The following ZFHX3 variants were observed in gnomAD, a reference collection of about 807,000 sequenced individuals.
The protein encoded by ZFHX3 is zinc finger homeobox 3.
Under a neutral mutation model 279.1 loss-of-function variants are expected in ZFHX3, and 42 were observed. The observed-to-expected ratio is 0.15, with a 90% CI of 0.12 to 0.19. The LOEUF is 0.19. ZFHX3 is among the 10% of genes least tolerant of loss of function. The probability of loss-of-function intolerance (pLI) is 1.00; values close to 1 mark genes in which losing one functional copy is unlikely to be tolerated. For missense variants in ZFHX3, 4,981 were observed against 4,754.0 expected, an observed-to-expected ratio of 1.05 and a Z score of -1.40; for synonymous variants, 2,293 against 1,957.8, an observed-to-expected ratio of 1.17 and a Z score of -4.52.
chr16:73,095,964 G>C (rs1335046981), intron 7 of ZFHX3, among the ~76,000 whole-genome samples: 1 of 152,144 alleles, frequency 6.6e-6, no homozygotes, highest in African/African-American at 2.4e-5. Context: ...CACACAGAGG[G>C]TGCCTTGAAA....
chr16:73,062,007 G>T (rs1372844744), upstream of ZFHX3: 2 of 151,938 alleles, frequency 1.3e-5, no homozygotes, highest in African/African-American at 4.8e-5. Context: ...AGGAGGAGAG[G>T]TACCAAGCTT....
intron 1 of ZFHX3, among the ~76,000 whole-genome samples, chr16:73,830,394 C>T (rs898078597): frequency 5.3e-5 from 8 of 151,926 alleles, no homozygotes; most frequent in East Asian, 1.9e-4. Context: ...AGCTGTAGAC[C>T]GGAGCTGTTC....
chr16:73,120,860 T>G (rs1966490698), intron 7 of ZFHX3, among the ~76,000 whole-genome samples: 1 of 151,936 alleles, frequency 6.6e-6, no homozygotes, highest in South Asian at 2.1e-4. Flanking sequence ...TTCACCGTGT[T>G]AGCCAGCATG....
chr16:73,260,699 T>G (rs1404269936), intron 4 of ZFHX3, among the ~76,000 whole-genome samples: 5 of 144,870 alleles, frequency 3.5e-5, no homozygotes, highest in Non-Finnish European at 7.5e-5. Context: ...TTTTTTTTTT[T>G]TTTTTTTTGA....
rs576555521 is a variant in ZFHX3 at position 73,443,220 on chromosome 16, G to A, written c.-1291+12783C>T. Among the ~76,000 whole-genome samples, 12 of 152,254 alleles carry A rather than the reference G, an allele frequency of 7.9e-5. No individual in the cohort carries two copies. In the South Asian group the frequency reaches 2.5e-3, roughly 32 times the overall value. Reference sequence around the variant, plus strand: ...AGAAAGAAGGGAAAGAAATAAATTTGCAAGCATGGGGAGCAGCCCAAATGT... The same window carrying A: ...AGAAAGAAGGGAAAGAAATAAATTTACAAGCATGGGGAGCAGCCCAAATGT... On this transcript the variant is annotated intron_variant, in intron 3 of 17. Transcript: ENST00000641206.
Position 73,346,326 on chromosome 16 carries a change from G to A in ZFHX3, c.-1290-27990C>T, listed in dbSNP as rs1405938227. ...CTGGAACACTCTGGGCTCTCCCACCGTCTGTCCTCTCGCCACCATGGATGC... is the reference window on the plus strand; with the variant it reads ...CTGGAACACTCTGGGCTCTCCCACCATCTGTCCTCTCGCCACCATGGATGC... On this transcript the variant is annotated intron_variant, in intron 3 of 17. Coordinates refer to the ZFHX3 transcript ENST00000641206. Among the ~76,000 whole-genome samples the A allele has an allele frequency of 9.2e-5, 14 of 152,228 alleles. No homozygotes were observed. The East Asian group carries it at 2.3e-3, about 25-fold the overall frequency.
At chr16:73,873,023 G>A (rs1354727497) in intron 1 of ZFHX3, among the ~76,000 whole-genome samples, 1 of 21,506 alleles carries the variant, frequency 4.6e-5, no homozygotes, top group African/African-American at 2.7e-4. Context: ...GGTGGCGGGT[G>A]GTGAGTGGCG....
intron 3 of ZFHX3, among the ~76,000 whole-genome samples, chr16:73,363,326 C>T (rs1219451140): frequency 2.0e-5 from 3 of 152,180 alleles, no homozygotes; most frequent in Admixed American, 6.5e-5. Flanking sequence ...TTGTTATGCA[C>T]CAAAAGCTAA....
At chr16:73,650,315 G>C (rs930083555) in intron 2 of ZFHX3, among the ~76,000 whole-genome samples, 19 of 150,776 alleles carry the variant, frequency 1.3e-4, no homozygotes, top group African/African-American at 4.6e-4. Context: ...GAGTACTAAA[G>C]CTTTTTTTGC....
At position 73,157,465 on chromosome 16, in the gene ZFHX3, T is replaced by TAAAAAAAAAAAAAAA. The variant is rs1297201223; in HGVS notation, c.-1103-13649_-1103-13635dup. ...TCCTGGGTGATTTAGGAATGTTTGG[T>TAAAAAAAAAAAAAAA]AAAAAAAAAAAAAAAAAAGGCCAGT... On this transcript the variant is annotated intron_variant, in intron 5 of 17. Coordinates refer to the ZFHX3 transcript ENST00000641206. 1.4e-4 allele frequency among the ~76,000 whole-genome samples: 11 copies of TAAAAAAAAAAAAAAA among 76,512 alleles called. 3 individuals are homozygous for TAAAAAAAAAAAAAAA. Among genetic ancestry groups the TAAAAAAAAAAAAAAA allele is most frequent in the South Asian group, 5.0e-4 (1 of 1,994 alleles). 50.2% of individuals were successfully genotyped at this position (76,512 alleles called of 152,430 possible). A position where few individuals can be genotyped will look rare whatever the true frequency, so the allele number is the denominator to read the frequency against.
At chr16:73,024,692 C>T (rs1310752899) in intron 1 of ZFHX3, among the ~76,000 whole-genome samples, 3 of 152,218 alleles carry the variant, frequency 2.0e-5, no homozygotes, top group South Asian at 2.1e-4. Context: ...AGCGGGTTAC[C>T]CTGATTTGTG....
chr16:73,814,833 G>C (rs1385710408), intron 1 of ZFHX3, among the ~76,000 whole-genome samples: 1 of 152,092 alleles, frequency 6.6e-6, no homozygotes, highest in East Asian at 1.9e-4. Flanking sequence ...CTCCCAAAGT[G>C]CTGGGATTAC....
intron 7 of ZFHX3, chr16:73,127,251 A>C (rs1434851775): frequency 9.4e-7 from 1 of 1,068,474 alleles, no homozygotes; most frequent in African/African-American, 1.7e-5. Context: ...GATCAGAGCT[A>C]AAGGCTGCCG....
intron 3 of ZFHX3, among the ~76,000 whole-genome samples, chr16:73,432,696 C>T (rs2017929828): frequency 1.3e-5 from 2 of 152,186 alleles, no homozygotes; most frequent in Admixed American, 1.3e-4. Flanking sequence ...CACTGCTGCA[C>T]CCACAGCAAT....
intron 1 of ZFHX3, among the ~76,000 whole-genome samples, chr16:73,822,235 G>C (rs905961809): frequency 6.6e-6 from 1 of 152,072 alleles, no homozygotes; most frequent in African/African-American, 2.4e-5. Flanking sequence ...CCTGGGATGA[G>C]AACCCAGAAT....
At position 73,709,450 on chromosome 16, in the gene ZFHX3, A is replaced by T. The variant is rs2053336397; in HGVS notation, c.-1607-29210T>A. Among the ~76,000 whole-genome samples, 5 of 152,050 alleles carry T rather than the reference A, an allele frequency of 3.3e-5. No homozygotes were observed. In the South Asian group the frequency reaches 1.0e-3, roughly 31 times the overall value. On this transcript the variant is annotated intron_variant, in intron 1 of 17. Transcript: ENST00000641206. ...AGACGACAGAACACTATCCAGCCTTAAAAAAGAAGGAAACCCTCTCATTTG... is the reference window on the plus strand; with the variant it reads ...AGACGACAGAACACTATCCAGCCTTTAAAAAGAAGGAAACCCTCTCATTTG...
intron 5 of ZFHX3, among the ~76,000 whole-genome samples, chr16:73,190,520 A>G (rs528443753): frequency 1.3e-5 from 2 of 152,346 alleles, no homozygotes; most frequent in Admixed American, 6.5e-5. Flanking sequence ...AGAAAATGTT[A>G]TAAGGACAAA....
At chr16:73,845,933 C>T (rs1961438524) in intron 1 of ZFHX3, among the ~76,000 whole-genome samples, 1 of 152,112 alleles carries the variant, frequency 6.6e-6, no homozygotes, top group Non-Finnish European at 1.5e-5. Flanking sequence ...AGCTACTCAG[C>T]CTCCTGAGTA....
intron 3 of ZFHX3, among the ~76,000 whole-genome samples, chr16:73,396,292 C>A (rs551779849): frequency 6.6e-6 from 1 of 152,198 alleles, no homozygotes; most frequent in African/African-American, 2.4e-5. Context: ...GAATATCTTG[C>A]ACGGTGCAAG....
Sources: gnomAD v4.1 joint callset for allele counts (sites outside exome capture counted in the v4.1 genomes callset) on GRCh38, gnomAD v4.1.1 for gene constraint, MANE v1.5 for transcripts, NCBI Gene and HGNC (gene_info 2026-07-23, HGNC 2026-07-21) for gene names.